The following LIFR variants were observed in gnomAD, a reference collection of about 807,000 sequenced individuals.
LIFR encodes the protein LIF receptor subunit alpha.
Under a neutral mutation model 122.2 loss-of-function variants are expected in LIFR, and 84 were observed. That is an observed-to-expected ratio of 0.69 (90% CI 0.58 to 0.82). The LOEUF is 0.82. Among genes scored for constraint, LIFR ranks in the 40% least tolerant of loss-of-function variants. The pLI, the probability that LIFR is intolerant of heterozygous loss-of-function variation, is 0.00. For synonymous variants in LIFR, 422 were observed against 434.7 expected, an observed-to-expected ratio of 0.97 and a Z score of 0.36; for missense variants, 1,294 against 1,311.6, an observed-to-expected ratio of 0.99 and a Z score of 0.21.
rs757941188 is a variant in LIFR at position 38,485,892 on chromosome 5, G to C, written c.2424C>G (p.His808Gln). ...CATCTGTATAGGCTCGCAAGACCAG[G>C]TGGTAACTTGTTTTACCTTGAAGAT... ...IADLQGKTSY[H>Q]LVLRAYTDGG... The change falls in exon 17 of 20, where the codon CAC (histidine) becomes CAG (glutamine). Residue 808 changes from histidine to glutamine, a missense_variant. Physicochemically the swap from His to Gln is conservative, Grantham distance 24. Coordinates refer to ENST00000453190, the MANE Select transcript of LIFR (RefSeq NM_001127671.2). 2 of 1,614,098 alleles carry C rather than the reference G, an allele frequency of 1.2e-6. No individual in the cohort carries two copies. The highest frequency in any genetic ancestry group is 1.7e-6 in the Non-Finnish European group (2 of 1,179,940).
At chr5:38,587,645 G>A (rs967407450) in intron 1 of LIFR, among the ~76,000 whole-genome samples, 11 of 152,164 alleles carry the variant, frequency 7.2e-5, no homozygotes, top group Non-Finnish European at 1.6e-4. Context: ...TGTTTTAAAA[G>A]AGTGTACGGG....
intron 17 of LIFR, 131 bp from the exon 18 acceptor site, chr5:38,484,999 T>C (rs1744206320): frequency 3.0e-6 from 2 of 663,240 alleles, no homozygotes; most frequent in South Asian, 3.3e-5. Flanking sequence ...GCAGGGACAC[T>C]GAAAAACTAT....
chr5:38,563,586 T>G (rs1476385939), intron 1 of LIFR, among the ~76,000 whole-genome samples: 1 of 152,216 alleles, frequency 6.6e-6, no homozygotes, highest in Non-Finnish European at 1.5e-5. Context: ...ATTTAGAAGA[T>G]GTTGGCTAAA....
intron 5 of LIFR, among the ~76,000 whole-genome samples, chr5:38,514,428 C>T (rs530557453): frequency 5.9e-5 from 9 of 152,288 alleles, no homozygotes; most frequent in East Asian, 3.9e-4. Flanking sequence ...CTAGTAATCA[C>T]GCACGAGTGC....
intron 7 of LIFR, among the ~76,000 whole-genome samples, chr5:38,507,974 A>G (rs568874994): frequency 6.6e-6 from 1 of 152,272 alleles, no homozygotes; most frequent in South Asian, 2.1e-4. Context: ...ATTGTTTTAA[A>G]TCTAAGGCCA....
chr5:38,569,561 G>A (rs978059912), intron 1 of LIFR, among the ~76,000 whole-genome samples: 6 of 152,158 alleles, frequency 3.9e-5, no homozygotes, highest in Admixed American at 3.3e-4. Context: ...AATGCCCGAT[G>A]TGATCTGAGG....
intron 1 of LIFR, among the ~76,000 whole-genome samples, chr5:38,585,710 A>G (rs925588022): frequency 8.5e-5 from 13 of 152,176 alleles, no homozygotes; most frequent in African/African-American, 2.4e-4. Context: ...GTAAATGGTA[A>G]CCTAGTTGCT....
At position 38,528,752 on chromosome 5, in the gene LIFR, A is replaced by G. The variant is rs2112564224; in HGVS notation, c.231T>C (p.Thr77=). 2.5e-6 allele frequency: 4 copies of G among 1,593,550 alleles called. No individual in the cohort carries two copies. Among genetic ancestry groups the G allele is most frequent in the Middle Eastern group, 1.7e-4 (1 of 6,034 alleles). ...WKAPSGTGRG[T]DYEVCIENRS... The stretch of plus-strand genomic sequence containing the variant: ...TGTTTTCAATGCAAACTTCATAATC[A>G]GTACCACGGCCTGTTCCAGAGGGTG... The change falls in exon 3 of 20, where the codon ACT becomes ACC. Residue 77 remains threonine, a synonymous_variant. Coordinates refer to ENST00000453190, the MANE Select transcript of LIFR (RefSeq NM_001127671.2).
intron 1 of LIFR, among the ~76,000 whole-genome samples, chr5:38,548,453 T>G (rs1468354083): frequency 6.6e-6 from 1 of 152,222 alleles, no homozygotes; most frequent in African/African-American, 2.4e-5. Flanking sequence ...GATACTTAAC[T>G]GCAGTAACTA....
upstream of LIFR, chr5:38,557,887 A>G (rs1481433660): frequency 6.6e-6 from 1 of 152,104 alleles, no homozygotes; most frequent in Non-Finnish European, 1.5e-5. Context: ...TACCCCTAAG[A>G]CCTTGTTTGG....
chr5:38,486,666 G>C (rs755626681), intron 16 of LIFR, among the ~76,000 whole-genome samples: 6 of 152,022 alleles, frequency 3.9e-5, no homozygotes, highest in Non-Finnish European at 7.4e-5. Flanking sequence ...CACTGTAAAA[G>C]CCATGTAATC....
chr5:38,565,093 GA>G (rs1694268617), intron 1 of LIFR, among the ~76,000 whole-genome samples: 1 of 152,016 alleles, frequency 6.6e-6, no homozygotes, highest in South Asian at 2.1e-4. Context: ...GTTTAGTAAG[GA>G]ATTTGTTGAA....
chr5:38,502,256 AT>A (rs956569606), intron 11 of LIFR, among the ~76,000 whole-genome samples: 2 of 149,168 alleles, frequency 1.3e-5, no homozygotes, highest in East Asian at 2.0e-4. Flanking sequence ...CTCTAATAGC[AT>A]TTTTTTTTTC....
intron 2 of LIFR, among the ~76,000 whole-genome samples, chr5:38,604,665 C>T (rs1187833157): frequency 1.3e-5 from 2 of 151,786 alleles, no homozygotes; most frequent in Admixed American, 6.6e-5. Context: ...TGCGCCGTTG[C>T]ACTCCAGCCT....
At chr5:38,505,780 G>T (rs911978473) in intron 9 of LIFR, 125 bp downstream of exon 9, 10 of 393,730 alleles carry the variant, frequency 2.5e-5, no homozygotes, top group African/African-American at 1.9e-4. Flanking sequence ...TAAAATTTAT[G>T]AAATTAATAT....
intron 1 of LIFR, chr5:38,594,832 C>T (rs531873202): frequency 3.3e-4 from 63 of 192,364 alleles, no homozygotes; most frequent in Admixed American, 2.3e-3. Context: ...AATGTACCTT[C>T]CTCTAGGTTT....
At chr5:38,575,551 G>A (rs1220447345) in intron 1 of LIFR, among the ~76,000 whole-genome samples, 1 of 152,178 alleles carries the variant, frequency 6.6e-6, no homozygotes, top group Non-Finnish European at 1.5e-5. Context: ...AGACCACTCT[G>A]AATTGTTTAA....
upstream of LIFR, among the ~76,000 whole-genome samples, chr5:38,596,535 T>C (rs952857385): frequency 7.5e-6 from 1 of 133,372 alleles, no homozygotes; most frequent in Non-Finnish European, 1.8e-5. Context: ...CAGGTCATGC[T>C]GCTGGACTAG....
chr5:38,507,731 T>A (rs1410297735), intron 7 of LIFR, among the ~76,000 whole-genome samples: 1 of 151,982 alleles, frequency 6.6e-6, no homozygotes, highest in Admixed American at 6.6e-5. Context: ...AGTTCTTTTT[T>A]AAAAAAACTA....
Sources: allele counts gnomAD v4.1 joint callset (sites outside exome capture counted in the v4.1 genomes callset), GRCh38; gene constraint gnomAD v4.1.1; transcripts MANE v1.5; gene names NCBI Gene and HGNC (gene_info 2026-07-23, HGNC 2026-07-21).